Variants in NUGGC observed in about 807,000 individuals in gnomAD.
NUGGC encodes the protein nuclear GTPase, germinal center associated.
In NUGGC, 58 loss-of-function variants were observed where a neutral mutation model predicts 92.6. That is an observed-to-expected ratio of 0.63 (90% CI 0.51 to 0.78). The LOEUF (loss-of-function observed/expected upper bound fraction) is 0.78. Among genes scored for constraint, NUGGC ranks in the 30% least tolerant of loss-of-function variants. The probability of loss-of-function intolerance (pLI) is 0.00; values close to 1 mark genes in which losing one functional copy is unlikely to be tolerated. For synonymous variants in NUGGC, 376 were observed against 366.4 expected, an observed-to-expected ratio of 1.03 and a Z score of -0.30; for missense variants, 925 against 964.6, an observed-to-expected ratio of 0.96 and a Z score of 0.54.
chr8:28,076,027 A>G (rs766097421), intron 1 of NUGGC, among the ~76,000 whole-genome samples: 1 of 152,194 alleles, frequency 6.6e-6, no homozygotes, highest in Non-Finnish European at 1.5e-5. Flanking sequence ...TTCCTCTGTG[A>G]AACGGTGTCT....
At chr8:28,048,168 G>A (rs960240128) in intron 10 of NUGGC, among the ~76,000 whole-genome samples, 16 of 152,162 alleles carry the variant, frequency 1.1e-4, no homozygotes, top group Non-Finnish European at 1.9e-4. Context: ...GCTGACATGT[G>A]ACCACAGCTT....
At chr8:28,059,894 G>A (rs960646787) in intron 8 of NUGGC, among the ~76,000 whole-genome samples, 2 of 152,058 alleles carry the variant, frequency 1.3e-5, no homozygotes, top group Admixed American at 6.5e-5. Context: ...ACCGGCCGGC[G>A]CCTGTAATCC....
In NUGGC at chr8:28,069,617, T is replaced by C. The variant is rs779588104; in HGVS notation, c.184A>G (p.Ser62Gly). Residue 62 changes from serine (S) to glycine (G), a missense_variant, in exon 4 of 19, where the codon AGC becomes GGC. By Grantham distance (56) the Ser-to-Gly change is moderately conservative. Transcript: ENST00000413272. ...TGAATAAGTTTCTGATAAGTGTTGC[T>C]CAAAACCCTTCTGGTCCGTGATTCC... ...KLESRTRRVL[S>G]NTYQKLIQSV... 2.5e-6 allele frequency: 4 copies of C among 1,611,416 alleles called. No individual in the cohort carries two copies. The highest frequency in any genetic ancestry group is 3.4e-6 in the Non-Finnish European group (4 of 1,177,590).
At chr8:28,050,383 T>TA (rs11393304) in intron 10 of NUGGC, among the ~76,000 whole-genome samples, 38,892 of 145,516 alleles carry the variant, frequency 0.27, 5,286 homozygotes, top group East Asian at 0.45. Flanking sequence ...AAAACTCTGT[T>TA]AAAAAAAAAG....
At chr8:28,062,684 C>A (rs1810336133) in intron 7 of NUGGC, among the ~76,000 whole-genome samples, 1 of 152,176 alleles carries the variant, frequency 6.6e-6, no homozygotes, top group African/African-American at 2.4e-5. Context: ...AGAGAATGGT[C>A]CAGCCAGCGG....
intron 13 of NUGGC, among the ~76,000 whole-genome samples, chr8:28,036,422 A>AT (rs1324153685): frequency 6.6e-6 from 1 of 151,848 alleles, no homozygotes; most frequent in Non-Finnish European, 1.5e-5. Flanking sequence ...TCACTGGTAT[A>AT]TGTGCATCAA....
At chr8:28,034,956 T>C (rs17058471) in intron 13 of NUGGC, among the ~76,000 whole-genome samples, 8,683 of 152,302 alleles carry the variant, frequency 0.057, 786 homozygotes, top group African/African-American at 0.2. Context: ...GATGTTAGTA[T>C]GTAATTGTCT....
chr8:28,035,329 C>T (rs751902314), intron 13 of NUGGC, among the ~76,000 whole-genome samples: 6 of 152,180 alleles, frequency 3.9e-5, no homozygotes, highest in Non-Finnish European at 7.3e-5. Context: ...AAACAGTAAA[C>T]GCCTGTCATC....
At chr8:28,082,217 T>G (rs150858486) in intron 1 of NUGGC, among the ~76,000 whole-genome samples, 150 of 152,320 alleles carry the variant, frequency 9.8e-4, no homozygotes, top group African/African-American at 3.5e-3. Flanking sequence ...ACACATCGGC[T>G]AATGTGTTCA....
intron 13 of NUGGC, among the ~76,000 whole-genome samples, chr8:28,036,675 C>T (rs188335410): frequency 1.3e-5 from 2 of 152,298 alleles, no homozygotes; most frequent in East Asian, 1.9e-4. Context: ...ATGTTGCCAC[C>T]TTGCTTTCCC....
chr8:28,056,960 A>G (rs12681850), intron 9 of NUGGC, among the ~76,000 whole-genome samples: 30,665 of 152,206 alleles, frequency 0.2, 3,583 homozygotes, highest in East Asian at 0.42. Context: ...GCCAAACACC[A>G]TGTGATACTA....
intron 1 of NUGGC, among the ~76,000 whole-genome samples, 197 bp downstream of exon 1, chr8:28,083,578 A>G (rs1810902337): frequency 6.6e-6 from 1 of 152,236 alleles, no homozygotes; most frequent in African/African-American, 2.4e-5. Flanking sequence ...ATAACGTATC[A>G]GTATCGGTTC....
At chr8:28,040,358 T>C (rs2130118450) in intron 13 of NUGGC, among the ~76,000 whole-genome samples, 1 of 152,344 alleles carries the variant, frequency 6.6e-6, no homozygotes. Context: ...TCATTGATAC[T>C]GATATCAACA....
At chr8:28,046,365 C>A (rs1444224646) in intron 11 of NUGGC, among the ~76,000 whole-genome samples, 1 of 152,180 alleles carries the variant, frequency 6.6e-6, no homozygotes, top group Non-Finnish European at 1.5e-5. Context: ...ACGTTGCAAG[C>A]CATATCAAGT....
At chr8:28,042,538 T>G (rs1809726230) in intron 12 of NUGGC, among the ~76,000 whole-genome samples, 1 of 152,192 alleles carries the variant, frequency 6.6e-6, no homozygotes, top group African/African-American at 2.4e-5. Context: ...ATGAGGCACC[T>G]TCCCTGAGTC....
chr8:28,071,801 G>C (rs938130910), intron 2 of NUGGC, among the ~76,000 whole-genome samples: 1 of 152,188 alleles, frequency 6.6e-6, no homozygotes, highest in Non-Finnish European at 1.5e-5. Flanking sequence ...GGCTCCTGGG[G>C]CTGGCCTGCA....
intron 6 of NUGGC, 58 bp from the exon 7 acceptor site, chr8:28,064,789 G>C (rs149925500): frequency 3.4e-6 from 5 of 1,460,282 alleles, no homozygotes; most frequent in Non-Finnish European, 4.8e-6. Flanking sequence ...TGTTCACCCC[G>C]GTTGGCTGTG....
At chr8:28,074,807 TG>T (rs1810679635) in intron 1 of NUGGC, among the ~76,000 whole-genome samples, 1 of 152,054 alleles carries the variant, frequency 6.6e-6, no homozygotes, top group South Asian at 2.1e-4. Context: ...GGCGTGGTGG[TG>T]GGTGCCCATA....
intron 11 of NUGGC, among the ~76,000 whole-genome samples, chr8:28,046,207 C>T (rs1202595980): frequency 2.0e-5 from 3 of 151,956 alleles, no homozygotes; most frequent in African/African-American, 7.3e-5. Context: ...CCATATGTGT[C>T]AATTTCTCTA....
Sources: gnomAD v4.1 joint callset for allele counts (sites outside exome capture counted in the v4.1 genomes callset) on GRCh38, gnomAD v4.1.1 for gene constraint, MANE v1.5 for transcripts, NCBI Gene and HGNC (gene_info 2026-07-23, HGNC 2026-07-21) for gene names.